Variants in UBE2J2 observed in about 807,000 individuals in gnomAD.
The protein encoded by UBE2J2 is ubiquitin conjugating enzyme E2 J2.
Under a neutral mutation model 28.6 loss-of-function variants are expected in UBE2J2, and 5 were observed. The ratio of observed to expected loss-of-function variants is 0.17; its 90% CI spans 0.09 to 0.37. UBE2J2 has a LOEUF of 0.37. Among genes scored for constraint, UBE2J2 ranks in the 10% least tolerant of loss-of-function variants. UBE2J2 has a pLI of 1.00. For missense variants in UBE2J2, 226 were observed against 338.9 expected (o/e 0.67, Z 2.62); for synonymous variants, 138 against 139.7 (o/e 0.99, Z 0.09).
chr1:1,259,807 C>T (rs1639448821), intron 3 of UBE2J2, among the ~76,000 whole-genome samples: 1 of 152,190 alleles, frequency 6.6e-6, no homozygotes, highest in South Asian at 2.1e-4. Context: ...GGGCTCGTGC[C>T]CGCTTGTATT....
In UBE2J2 at chr1:1,268,844, AT is replaced by A. The variant is rs371622000; in HGVS notation, c.1-853del. ...AGACGCATGCCACCACGCCTAGCTA[AT>A]TTTTTTTTTTTTGTAGAGCTGGGAT... On this transcript the variant is annotated intron_variant, in intron 1 of 6. Coordinates refer to ENST00000349431, the MANE Select transcript of UBE2J2 (RefSeq NM_058167.3). This position sits in a 1 kb window ranked among gnomAD's most constrained non-coding sequence, Gnocchi z 4.7. Among the ~76,000 whole-genome samples the A allele has an allele frequency of 1.2e-3, 175 of 146,738 alleles. No homozygotes were observed. The highest frequency in any genetic ancestry group is 1.8e-3 in the African/African-American group (73 of 40,426).
In UBE2J2 at chr1:1,267,980, T is replaced by C; in HGVS notation, c.13A>G (p.Ser5Gly). 6.2e-7 allele frequency: 1 copy of C among 1,614,028 alleles called. No individual in the cohort carries two copies. Among genetic ancestry groups the C allele is most frequent in the Non-Finnish European group, 8.5e-7 (1 of 1,179,972 alleles). MSSTSSKRAPTTATQ... is the reference protein window; with the variant it reads MSSTGSKRAPTTATQ... ...GCCGTGGTCGGAGCCCTCTTACTGC[T>C]GGTGCTGCTCATCTGTTAAAAGCAA... The change falls in exon 2 of 7, where the codon AGC becomes GGC. Residue 5 changes from serine (S) to glycine (G), a missense_variant. Transcript: ENST00000349431.
intron 5 of UBE2J2, 71 bp downstream of exon 5, chr1:1,256,921 A>G: frequency 8.9e-7 from 1 of 1,126,418 alleles, no homozygotes; most frequent in Non-Finnish European, 1.2e-6. Context: ...AGGCAGCTGC[A>G]ACTCAGGAAC....
intron 3 of UBE2J2, among the ~76,000 whole-genome samples, chr1:1,257,668 G>A (rs926304102): frequency 6.6e-6 from 1 of 151,498 alleles, no homozygotes; most frequent in African/African-American, 2.4e-5. Flanking sequence ...GGGGTCGGAA[G>A]AGGCATGCAG....
In UBE2J2 at chr1:1,256,973, G is replaced by A. The variant is rs747233050; in HGVS notation, c.414+19C>T. The A allele has an allele frequency of 1.3e-6, 2 of 1,482,914 alleles. No individual in the cohort carries two copies. Among genetic ancestry groups the A allele is most frequent in the African/African-American group, 1.4e-5 (1 of 68,990 alleles). 91.9% of individuals were successfully genotyped at this position (1,482,914 alleles called of 1,614,324 possible). On this transcript the variant is annotated intron_variant, in intron 5 of 6. Transcript: ENST00000349431. Reference sequence around the variant, plus strand: ...GACACAAGGCTGACGGCCCACCAGGGAGAGGCTCTAAAACTTACCGTGAAG... The same window carrying A: ...GACACAAGGCTGACGGCCCACCAGGAAGAGGCTCTAAAACTTACCGTGAAG...
intron 2 of UBE2J2, chr1:1,263,648 T>A (rs1639686384): frequency 5.4e-6 from 2 of 370,456 alleles, no homozygotes; most frequent in Non-Finnish European, 1.0e-5. Context: ...TTCGACAATA[T>A]AACATGCACG....
At chr1:1,262,272 G>A (rs967708286) in intron 3 of UBE2J2, 18 of 453,922 alleles carry the variant, frequency 4.0e-5, no homozygotes, top group Admixed American at 2.4e-4. Flanking sequence ...ATCTCACCAC[G>A]GCCTGCTGGC....
chr1:1,267,761 C>G, intron 2 of UBE2J2, 101 bp downstream of exon 2: 1 of 1,565,922 alleles, frequency 6.4e-7, no homozygotes. Context: ...AGCACCTTGC[C>G]AATGCCATGA....
At chr1:1,262,306 A>G (rs926357779) in intron 3 of UBE2J2, 4 of 455,824 alleles carry the variant, frequency 8.8e-6, no homozygotes, top group African/African-American at 8.0e-5. Context: ...GTCATGGGCA[A>G]TGACACGATG....
At position 1,255,317 on chromosome 1, in the gene UBE2J2, G is replaced by A; in HGVS notation, c.666C>T (p.Ala222=). ...AVPNLAGLQQ[A]NRHHGLLGGA... is the part of the protein sequence containing the mutation. The stretch of plus-strand genomic sequence containing the variant: ...CACCCAGGAGTCCGTGGTGCCGGTT[G>A]GCCTGCTGGAGCCCTGCGAGGTTTG... Residue 222 remains alanine, a synonymous_variant, in exon 7 of 7, where the codon GCC becomes GCT. Transcript: ENST00000349431. The A allele has an allele frequency of 6.2e-7, 1 of 1,613,766 alleles. No homozygotes were observed. Among genetic ancestry groups the A allele is most frequent in the Non-Finnish European group, 8.5e-7 (1 of 1,180,012 alleles).
At chr1:1,263,174 A>G (rs994986986) in intron 3 of UBE2J2, 172 bp downstream of exon 3, 16 of 650,442 alleles carry the variant, frequency 2.5e-5, no homozygotes, top group Non-Finnish European at 4.2e-5. Flanking sequence ...CAGAGCAAAC[A>G]CTTCCAGCGT....
In UBE2J2 at chr1:1,255,155, C is replaced by A; in HGVS notation, c.*48G>T. The stretch of plus-strand genomic sequence containing the variant: ...GTGTCCAGCCTGCCGAGGTCACGCT[C>A]TGGTGCGCGGTGCCCTCAGTGGCGC... On this transcript the variant is annotated 3_prime_UTR_variant, in exon 7 of 7. Coordinates refer to ENST00000349431, the MANE Select transcript of UBE2J2 (RefSeq NM_058167.3). The A allele has an allele frequency of 6.5e-7, 1 of 1,529,456 alleles. No individual in the cohort carries two copies. The highest frequency in any genetic ancestry group is 1.3e-5 in the South Asian group (1 of 78,560). 94.7% of individuals were successfully genotyped at this position (1,529,456 alleles called of 1,614,324 possible). A position where few individuals can be genotyped will look rare whatever the true frequency, so the allele number is the denominator to read the frequency against.
chr1:1,254,202 A>C lies in UBE2J2; in HGVS notation c.*1001T>G, dbSNP rs966484165. 1 of 152,172 alleles carries C rather than the reference A, an allele frequency of 6.6e-6. No homozygotes were observed. The highest frequency in any genetic ancestry group is 1.5e-5 in the Non-Finnish European group (1 of 68,040). 9.4% of individuals were successfully genotyped at this position (152,172 alleles called of 1,614,324 possible). On this transcript the variant is annotated 3_prime_UTR_variant, in exon 7 of 7. Transcript: ENST00000349431. ...GAGACCCGGGGAGCCACGCGGCCCGAAACAGCCCCTGCTGGCTCTGGCGTC... is the reference window on the plus strand; with the variant it reads ...GAGACCCGGGGAGCCACGCGGCCCGCAACAGCCCCTGCTGGCTCTGGCGTC...
chr1:1,265,430 A>G (rs1198481872), intron 2 of UBE2J2, among the ~76,000 whole-genome samples: 2 of 151,988 alleles, frequency 1.3e-5, no homozygotes, highest in Admixed American at 6.6e-5. Flanking sequence ...GCCTTCCCCT[A>G]ATGTTTTAGT....
At chr1:1,260,882 G>A (rs938458811) in intron 3 of UBE2J2, among the ~76,000 whole-genome samples, 2 of 152,250 alleles carry the variant, frequency 1.3e-5, no homozygotes, top group African/African-American at 4.8e-5. Flanking sequence ...TGTTAGGACT[G>A]TGTGAAATCT....
At chr1:1,259,967 C>G (rs1639460080) in intron 3 of UBE2J2, among the ~76,000 whole-genome samples, 1 of 152,228 alleles carries the variant, frequency 6.6e-6, no homozygotes, top group Non-Finnish European at 1.5e-5. Context: ...TCGTGTCTCT[C>G]TCTTGATCAC....
chr1:1,266,632 T>G (rs150620760), intron 2 of UBE2J2, among the ~76,000 whole-genome samples: 15 of 151,862 alleles, frequency 9.9e-5, no homozygotes, highest in East Asian at 2.0e-4. Flanking sequence ...CCATCCTGGC[T>G]AACACGGTGA....
At chr1:1,262,285 C>T (rs1639610101) in intron 3 of UBE2J2, 2 of 455,294 alleles carry the variant, frequency 4.4e-6, no homozygotes, top group Admixed American at 2.4e-5. Flanking sequence ...CTGCTGGCAT[C>T]CCCAACGCTG....
chr1:1,265,603 TTGTGTGTGTGTGTGTGTGTGTGTGTG>T (rs57125925), intron 2 of UBE2J2, among the ~76,000 whole-genome samples: 5 of 120,948 alleles, frequency 4.1e-5, no homozygotes, highest in African/African-American at 6.5e-5. Context: ...TTTCTCTCCA[TTGTGTGTGTGTGTGTGTGTGTGTGTG>T]TGTGTGTGTG....
Sources: gnomAD v4.1 joint callset for allele counts (sites outside exome capture counted in the v4.1 genomes callset) on GRCh38, gnomAD v4.1.1 for gene constraint, Gnocchi (gnomAD v3.1) non-coding constraint, MANE v1.5 for transcripts, NCBI Gene and HGNC (gene_info 2026-07-23, HGNC 2026-07-21) for gene names.